The following SHROOM3 variants were observed in gnomAD, a reference collection of about 807,000 sequenced individuals.
SHROOM3 encodes shroom family member 3, also known as protein Shroom3.
In SHROOM3, 47 loss-of-function variants were observed where a neutral mutation model predicts 138.6. That is an observed-to-expected ratio of 0.34 (90% confidence interval 0.27 to 0.43). SHROOM3 has a LOEUF of 0.43. SHROOM3 is among the 20% of genes least tolerant of loss of function. The pLI is 1.00. For missense variants in SHROOM3, 2,491 were observed against 2,596.5 expected, an observed-to-expected ratio of 0.96 and a Z score of 0.88; for synonymous variants, 1,062 against 1,063.3, an observed-to-expected ratio of 1.00 and a Z score of 0.02.
chr4:76,756,711 G>A lies in SHROOM3; in HGVS notation c.4972G>A (p.Asp1658Asn), dbSNP rs759950352. The A allele has an allele frequency of 2.5e-6, 4 of 1,613,982 alleles. No homozygotes were observed. In the African/African-American group the frequency reaches 5.3e-5, roughly 22 times the overall value. ...TQGLEKKVSP[D>N]PQKSSEDIRT... ...GGGTTTAGAAAAGAAAGTCAGTCCT[G>A]ATCCTCAGAAGAGTTCAGAAGACAT... Residue 1658 changes from aspartate (D) to asparagine (N), a missense_variant, in exon 8 of 11, where the codon GAT (aspartate) becomes AAT (asparagine). By Grantham distance (23) the Asp-to-Asn change is conservative. Transcript: ENST00000296043.
intron 1 of SHROOM3, among the ~76,000 whole-genome samples, chr4:76,475,968 A>G (rs1023296522): frequency 2.6e-5 from 4 of 152,032 alleles, no homozygotes; most frequent in African/African-American, 7.3e-5. Flanking sequence ...GTGGATCACA[A>G]AACAATACTG....
rs951321880 is a variant in SHROOM3 at position 76,741,674 on chromosome 4, C to G, written c.3501C>G (p.Pro1167=). The change falls in exon 5 of 11, where the codon CCC becomes CCG. Residue 1167 remains proline (P), a synonymous_variant. Coordinates refer to ENST00000296043, the MANE Select transcript of SHROOM3 (RefSeq NM_020859.4). The surrounding 1 kb of genome is among the most constrained non-coding windows in gnomAD (Gnocchi z 6.2). The part of the protein sequence containing the change: ...PATVAETQQA[P]RDRSSSFAGG... Reference sequence around the variant, plus strand: ...CAGTTGCAGAAACCCAGCAGGCTCCCCGAGATCGCAGCAGCTCCTTCGCCG... The same window carrying G: ...CAGTTGCAGAAACCCAGCAGGCTCCGCGAGATCGCAGCAGCTCCTTCGCCG... The G allele has an allele frequency of 1.3e-6, 2 of 1,550,862 alleles. No individual in the cohort carries two copies. Among genetic ancestry groups the G allele is most frequent in the Non-Finnish European group, 1.7e-6 (2 of 1,151,250 alleles).
chr4:76,541,120 C>G (rs1354512128), intron 1 of SHROOM3, among the ~76,000 whole-genome samples: 1 of 152,054 alleles, frequency 6.6e-6, no homozygotes, highest in Non-Finnish European at 1.5e-5. Flanking sequence ...ACATATACAT[C>G]CCCTATATGT....
At chr4:76,442,950 G>A (rs1392545291) in intron 1 of SHROOM3, among the ~76,000 whole-genome samples, 1 of 152,168 alleles carries the variant, frequency 6.6e-6, no homozygotes, top group Non-Finnish European at 1.5e-5. Context: ...TTTGTTAGAA[G>A]CTACCTAGGC....
intron 1 of SHROOM3, chr4:76,509,302 G>A (rs1732283334): frequency 6.6e-6 from 1 of 152,028 alleles, no homozygotes; most frequent in Non-Finnish European, 1.5e-5. Context: ...GACAGGATCC[G>A]GTTAGTTTTT....
intron 2 of SHROOM3, among the ~76,000 whole-genome samples, chr4:76,640,275 C>T (rs139420794): frequency 7.9e-5 from 12 of 152,250 alleles, no homozygotes; most frequent in African/African-American, 2.4e-4. Context: ...ATAAAGATCG[C>T]TTTCTCATTT....
intron 2 of SHROOM3, among the ~76,000 whole-genome samples, chr4:76,588,649 G>T (rs938696385): frequency 2.6e-5 from 4 of 152,048 alleles, no homozygotes; most frequent in Admixed American, 6.6e-5. Context: ...CCTGGGGTTG[G>T]GGAGGCCTGT....
chr4:76,516,650 T>C (rs1476456223), intron 1 of SHROOM3, among the ~76,000 whole-genome samples: 1 of 151,834 alleles, frequency 6.6e-6, no homozygotes, highest in Non-Finnish European at 1.5e-5. Context: ...AATAAGCACA[T>C]TACAGAAACA....
intron 10 of SHROOM3, among the ~76,000 whole-genome samples, chr4:76,777,193 G>A (rs2109799093): frequency 6.6e-6 from 1 of 152,246 alleles, no homozygotes; most frequent in East Asian, 1.9e-4. Flanking sequence ...TTGACAGTAT[G>A]GTCATTTTCA....
intron 5 of SHROOM3, among the ~76,000 whole-genome samples, chr4:76,747,320 A>G (rs1721471777): frequency 6.6e-6 from 1 of 152,154 alleles, no homozygotes; most frequent in Non-Finnish European, 1.5e-5. Context: ...AAGTCTTGAC[A>G]GTGAATATAT....
intron 9 of SHROOM3, 102 bp from the exon 10 acceptor site, chr4:76,770,524 A>C: frequency 7.2e-7 from 1 of 1,390,626 alleles, no homozygotes; most frequent in Middle Eastern, 2.4e-4. Context: ...GAGGATATTC[A>C]GCTGAGCCTT....
At chr4:76,520,558 C>T (rs148703340) in intron 1 of SHROOM3, among the ~76,000 whole-genome samples, 1 of 152,230 alleles carries the variant, frequency 6.6e-6, no homozygotes, top group Non-Finnish European at 1.5e-5. Flanking sequence ...ATAATGTGCT[C>T]AAAGTTATAC....
At chr4:76,537,492 G>A (rs957293409) in intron 1 of SHROOM3, among the ~76,000 whole-genome samples, 2 of 152,212 alleles carry the variant, frequency 1.3e-5, no homozygotes, top group African/African-American at 4.8e-5. Flanking sequence ...TATAGGGCAA[G>A]GATGTGGAAT....
chr4:76,484,342 G>A (rs113655773), intron 1 of SHROOM3, among the ~76,000 whole-genome samples: 19,154 of 151,910 alleles, frequency 0.13, 1,370 homozygotes, highest in East Asian at 0.21. Context: ...GAGGCTGAGG[G>A]GGGAGGATTG....
At chr4:76,522,743 G>A (rs1284395181) in intron 1 of SHROOM3, among the ~76,000 whole-genome samples, 3 of 152,058 alleles carry the variant, frequency 2.0e-5, no homozygotes, top group South Asian at 2.1e-4. Context: ...AGCTAATATC[G>A]TGCCATTGCA....
chr4:76,675,835 G>C (rs1350189591), intron 2 of SHROOM3, among the ~76,000 whole-genome samples: 2 of 152,194 alleles, frequency 1.3e-5, no homozygotes. Flanking sequence ...AATCCAGCCT[G>C]GGTGACAGAG....
At chr4:76,522,685 G>A (rs1732591110) in intron 1 of SHROOM3, among the ~76,000 whole-genome samples, 1 of 152,160 alleles carries the variant, frequency 6.6e-6, no homozygotes, top group Non-Finnish European at 1.5e-5. Flanking sequence ...CTACTCAGGA[G>A]GCTGAGACAG....
chr4:76,573,893 C>T (rs1460679762), intron 2 of SHROOM3, among the ~76,000 whole-genome samples: 2 of 152,194 alleles, frequency 1.3e-5, no homozygotes, highest in African/African-American at 4.8e-5. Context: ...TGCTGGTTGC[C>T]GTCTGATGTC....
In SHROOM3 at chr4:76,548,582, G is replaced by A. The variant is rs114794755; in HGVS notation, c.169-7027G>A. Among the ~76,000 whole-genome samples the A allele has an allele frequency of 6.0e-3, 909 of 152,266 alleles. 16 individuals carry two copies. The highest frequency in any genetic ancestry group is 0.02 in the African/African-American group (840 of 41,550). ...TCATCACAGTGTATATCACCGTGCT[G>A]TTCTTCAAAGTCAGTTTCCCCAGTA... On this transcript the variant is annotated intron_variant, in intron 1 of 10. Transcript: ENST00000296043.
Sources: allele counts gnomAD v4.1 joint callset (sites outside exome capture counted in the v4.1 genomes callset), GRCh38; gene constraint gnomAD v4.1.1; non-coding constraint Gnocchi (gnomAD v3.1); transcripts MANE v1.5; gene names NCBI Gene and HGNC (gene_info 2026-07-23, HGNC 2026-07-21).